The following TRPC5 variants were observed in gnomAD, a reference collection of about 807,000 sequenced individuals.
TRPC5 encodes short transient receptor potential channel 5.
A neutral mutation model predicts 56.5 loss-of-function variants in TRPC5; 9 were observed. The ratio of observed to expected loss-of-function variants is 0.16; its 90% CI spans 0.10 to 0.28. The LOEUF is 0.28. TRPC5 is among the 10% of genes least tolerant of loss of function. The pLI, the probability that TRPC5 is intolerant of heterozygous loss-of-function variation, is 1.00. For missense variants in TRPC5, 469 were observed against 748.9 expected, an observed-to-expected ratio of 0.63 and a Z score of 4.36; for synonymous variants, 282 against 278.5, an observed-to-expected ratio of 1.01 and a Z score of -0.13.
At chrX:111,829,176 C>T (rs1922327639) in intron 7 of TRPC5, among the ~76,000 whole-genome samples, 1 of 107,950 alleles carries the variant, frequency 9.3e-6, no homozygotes, top group African/African-American at 3.4e-5. Context: ...GTGGCAGGTG[C>T]CTGTAATCCC....
intron 3 of TRPC5, among the ~76,000 whole-genome samples, chrX:111,899,034 A>G (rs1444772100): frequency 9.0e-6 from 1 of 110,698 alleles, no homozygotes; most frequent in Non-Finnish European, 1.9e-5. Context: ...GCATAAGCTG[A>G]TGCCACACTC....
At chrX:112,065,165 A>C (rs1038096914) in intron 1 of TRPC5, among the ~76,000 whole-genome samples, 2 of 111,624 alleles carry the variant, frequency 1.8e-5, no homozygotes, top group African/African-American at 3.3e-5. Flanking sequence ...CAATGAATCA[A>C]ATCTGATTTC....
chrX:111,979,024 G>A (rs1310888910), intron 1 of TRPC5, among the ~76,000 whole-genome samples: 2 of 111,269 alleles, frequency 1.8e-5, no homozygotes, highest in South Asian at 7.5e-4. Flanking sequence ...TATACTGGAT[G>A]TTTTGGCTAG....
chrX:112,078,201 A>G (rs990482140), intron 1 of TRPC5, among the ~76,000 whole-genome samples: 2 of 111,510 alleles, frequency 1.8e-5, no homozygotes, highest in African/African-American at 6.5e-5. Context: ...AGCTAGCAAG[A>G]TAGGATTGTG....
rs1170428909 is a variant in TRPC5, at chrX:111,919,168, A to G, written c.379-6356T>C. Among the ~76,000 whole-genome samples the G allele has an allele frequency of 4.5e-5, 5 of 111,433 alleles. No individual in the cohort carries two copies. In the South Asian group the frequency reaches 1.1e-3, roughly 26 times the overall value. On this transcript the variant is annotated intron_variant, in intron 2 of 10. Transcript: ENST00000262839. ...GGGACTTGGAGAACTTTTCTATCTT[A>G]TAAGAGGTTTGTAAAATCCACCAAT...
chrX:111,928,945 G>A lies in TRPC5; in HGVS notation c.379-16133C>T, dbSNP rs532104062. Among the ~76,000 whole-genome samples the A allele has an allele frequency of 3.6e-5, 4 of 112,197 alleles. No homozygotes were observed. The South Asian group carries it at 1.5e-3, about 42-fold the overall frequency. On this transcript the variant is annotated intron_variant, in intron 2 of 10. Coordinates refer to ENST00000262839, the MANE Select transcript of TRPC5 (RefSeq NM_012471.3). The stretch of plus-strand genomic sequence containing the variant: ...CCAGACACCTCAGAGCTTCAAAGCA[G>A]TCTTTCACTCTGCAGCACCTTTTCA...
intron 2 of TRPC5, among the ~76,000 whole-genome samples, chrX:111,942,743 T>G (rs1926813942): frequency 8.9e-6 from 1 of 112,424 alleles, no homozygotes; most frequent in Non-Finnish European, 1.9e-5. Context: ...TTGATTTGAT[T>G]GACAAAATCC....
intron 1 of TRPC5, among the ~76,000 whole-genome samples, chrX:112,027,408 G>A (rs747662086): frequency 9.8e-5 from 11 of 112,144 alleles, no homozygotes; most frequent in Admixed American, 2.8e-4. Flanking sequence ...AACACCCTCA[G>A]CCCTGAGAGC....
chrX:111,894,036 C>T (rs1375473579), intron 3 of TRPC5, among the ~76,000 whole-genome samples: 1 of 111,201 alleles, frequency 9.0e-6, no homozygotes. Context: ...ATATTGAATG[C>T]ATGTATCCAA....
At chrX:111,992,107 A>G (rs7056863) in intron 1 of TRPC5, among the ~76,000 whole-genome samples, 27,867 of 111,615 alleles carry the variant, frequency 0.25, 3,869 homozygotes, top group African/African-American at 0.54. Context: ...GGATAGAGCC[A>G]GTATGATCCT....
At chrX:111,843,381 A>T (rs994226294) in intron 6 of TRPC5, among the ~76,000 whole-genome samples, 1 of 112,038 alleles carries the variant, frequency 8.9e-6, no homozygotes, top group Non-Finnish European at 1.9e-5. Context: ...TGCATTCTAG[A>T]AGAAGCCTGC....
intron 7 of TRPC5, among the ~76,000 whole-genome samples, chrX:111,789,827 A>G (rs1222041123): frequency 3.5e-5 from 4 of 112,952 alleles, no homozygotes; most frequent in Non-Finnish European, 7.5e-5. Flanking sequence ...ATCACTGGTC[A>G]TCAGAGAAAT....
At chrX:111,827,900 C>G (rs1048934379) in intron 7 of TRPC5, among the ~76,000 whole-genome samples, 1 of 111,300 alleles carries the variant, frequency 9.0e-6, no homozygotes, top group Non-Finnish European at 1.9e-5. Context: ...TGATCTGTCA[C>G]TCACTCCCAT....
intron 1 of TRPC5, among the ~76,000 whole-genome samples, chrX:112,000,197 T>G (rs1171565300): frequency 9.0e-6 from 1 of 111,455 alleles, no homozygotes; most frequent in African/African-American, 3.3e-5. Context: ...TAAAACAGTT[T>G]ATTGCAGTCA....
chrX:111,872,305 A>C (rs976710576), intron 3 of TRPC5, among the ~76,000 whole-genome samples: 2 of 111,974 alleles, frequency 1.8e-5, no homozygotes, highest in Admixed American at 9.5e-5. Flanking sequence ...CATGCCAATT[A>C]CTGGCTTAGA....
chrX:111,809,666 A>C (rs1196664530), intron 7 of TRPC5, among the ~76,000 whole-genome samples: 2 of 110,898 alleles, frequency 1.8e-5, no homozygotes, highest in African/African-American at 6.6e-5. Context: ...TTTTTTATGA[A>C]GGTGCTTTAC....
chrX:111,893,080 T>G (rs1406167066), intron 3 of TRPC5, among the ~76,000 whole-genome samples: 4 of 76,781 alleles, frequency 5.2e-5, no homozygotes, highest in African/African-American at 1.5e-4. Context: ...AAATATAGGG[T>G]TTTTTTTTTT....
At chrX:111,903,477 C>G (rs1430317611) in intron 3 of TRPC5, 2 of 111,903 alleles carry the variant, frequency 1.8e-5, no homozygotes, top group Non-Finnish European at 3.8e-5. Context: ...TTAGCCAACC[C>G]TAAGATGTTG....
At chrX:112,001,808 G>A (rs191798490) in intron 1 of TRPC5, among the ~76,000 whole-genome samples, 20 of 112,128 alleles carry the variant, frequency 1.8e-4, no homozygotes, top group Non-Finnish European at 3.0e-4. Flanking sequence ...GGAGATTTTT[G>A]TTTGTTTTGT....
Sources: allele counts gnomAD v4.1 joint callset (sites outside exome capture counted in the v4.1 genomes callset), GRCh38; gene constraint gnomAD v4.1.1; transcripts MANE v1.5; gene names NCBI Gene and HGNC (gene_info 2026-07-23, HGNC 2026-07-21).